The following HDC variants were observed in gnomAD, a reference collection of about 807,000 sequenced individuals.
HDC encodes histidine decarboxylase.
A neutral mutation model predicts 64.4 loss-of-function variants in HDC; 27 were observed. The observed-to-expected ratio is 0.42, with a 90% CI of 0.31 to 0.58. The LOEUF is 0.58. Ranked by LOEUF, HDC falls within the 20% of genes least tolerant of loss-of-function variation. The pLI is 0.16. For missense variants in HDC, 711 were observed against 833.9 expected (o/e 0.85, Z 1.81); for synonymous variants, 305 against 314.2 (o/e 0.97, Z 0.31).
At chr15:50,261,066 C>T (rs2045697053) in intron 2 of HDC, among the ~76,000 whole-genome samples, 1 of 152,118 alleles carries the variant, frequency 6.6e-6, no homozygotes, top group Non-Finnish European at 1.5e-5. Context: ...ATTTGACCAT[C>T]ATTATCACTG....
chr15:50,257,449 G>T lies in HDC; in HGVS notation c.417C>A (p.Ser139Arg), dbSNP rs149875043. The change falls in exon 4 of 12, where the codon AGC (serine) becomes AGA (arginine). Residue 139 changes from serine (S) to arginine (R), a missense_variant. Physicochemically the swap from Ser to Arg is moderately radical, Grantham distance 110. Around this residue, in one of 3 missense-constraint regions of HDC, gnomAD observed 225 missense variants for 276.2 expected, o/e 0.81. Coordinates refer to ENST00000267845, the MANE Select transcript of HDC (RefSeq NM_002112.4). ...LPEHFLHHHP[S>R]SQGGGVLQST... ...CCTGCAGGACGCCTCCGCCCTGGCTGCTGGGGTGGTGGTGCAAGAAGTGCT... is the reference window on the plus strand; with the variant it reads ...CCTGCAGGACGCCTCCGCCCTGGCTTCTGGGGTGGTGGTGCAAGAAGTGCT... The T allele has an allele frequency of 1.2e-6, 2 of 1,614,248 alleles. No individual in the cohort carries two copies. The highest frequency in any genetic ancestry group is 1.7e-6 in the Non-Finnish European group (2 of 1,180,042).
Position 50,242,060 on chromosome 15 carries a change from C to T in HDC, c.*200G>A. On this transcript the variant is annotated 3_prime_UTR_variant, in exon 12 of 12. Transcript: ENST00000267845. ...CTTTCTCACTGACCAGACTGCTGAA[C>T]CCATCTGGATCATGCTGGCTTAAAC... The T allele has an allele frequency of 1.6e-6, 1 of 613,650 alleles. No homozygotes were observed. The highest frequency in any genetic ancestry group is 2.9e-6 in the Non-Finnish European group (1 of 346,654). The allele number at this position is 613,650 out of a possible 1,614,324, so 38.0% of individuals were successfully genotyped here.
At chr15:50,259,562 T>C (rs2045676050) in intron 2 of HDC, among the ~76,000 whole-genome samples, 1 of 152,202 alleles carries the variant, frequency 6.6e-6, no homozygotes, top group Non-Finnish European at 1.5e-5. Flanking sequence ...GCATGCCCTG[T>C]TCCTTTCTGC....
intron 3 of HDC, 26 bp from the exon 4 acceptor site, chr15:50,257,573 C>A (rs1447368851): frequency 1.9e-6 from 3 of 1,613,418 alleles, no homozygotes; most frequent in Non-Finnish European, 2.5e-6. Context: ...GAACTTCAAA[C>A]TGCACAGCCC....
chr15:50,248,066 G>C lies in HDC; in HGVS notation c.1140+179C>G, dbSNP rs1300639733. Among the ~76,000 whole-genome samples the C allele has an allele frequency of 6.6e-6, 1 of 152,222 alleles. No homozygotes were observed. Among genetic ancestry groups the C allele is most frequent in the Non-Finnish European group, 1.5e-5 (1 of 68,042 alleles). ...TCAGGCAGCCCTCAGGGCATGTTGT[G>C]CTCAGCGCTCCTCTGGTTAACAAAG... On this transcript the variant is annotated intron_variant, in intron 10 of 11. Transcript: ENST00000267845. This position sits in a 1 kb window ranked among gnomAD's most constrained non-coding sequence, Gnocchi z 4.3.
intron 4 of HDC, among the ~76,000 whole-genome samples, chr15:50,256,391 A>C (rs557619708): frequency 1.3e-4 from 20 of 152,236 alleles, no homozygotes; most frequent in African/African-American, 4.8e-4. Flanking sequence ...GCAACATGGC[A>C]ATTTTTTTAT....
Position 50,248,428 on chromosome 15 carries a change from G to A in HDC, c.1042-85C>T, listed in dbSNP as rs2045512722. The A allele has an allele frequency of 4.4e-6, 4 of 903,756 alleles. No homozygotes were observed. In the Admixed American group the frequency reaches 5.7e-5, roughly 13 times the overall value. 56.0% of individuals were successfully genotyped at this position (903,756 alleles called of 1,614,324 possible). A position where few individuals can be genotyped will look rare whatever the true frequency, so the allele number is the denominator to read the frequency against. On this transcript the variant is annotated intron_variant, in intron 9 of 11. Transcript: ENST00000267845. This position sits in a 1 kb window ranked among gnomAD's most constrained non-coding sequence, Gnocchi z 4.3. ...CATTTCTGGGCATTATCTGTTGCCTGCCCAGCCCTCCAGGGATGGACGATG... is the reference window on the plus strand; with the variant it reads ...CATTTCTGGGCATTATCTGTTGCCTACCCAGCCCTCCAGGGATGGACGATG...
intron 10 of HDC, among the ~76,000 whole-genome samples, chr15:50,245,826 G>A (rs1317684053): frequency 6.6e-6 from 1 of 152,124 alleles, no homozygotes; most frequent in East Asian, 1.9e-4. Flanking sequence ...GCCTGGGGAG[G>A]TCAAGGCTGC....
chr15:50,256,664 G>A (rs760131601), intron 4 of HDC, among the ~76,000 whole-genome samples: 16 of 152,186 alleles, frequency 1.1e-4, no homozygotes, highest in Non-Finnish European at 1.6e-4. Flanking sequence ...GAGATTACAG[G>A]GGTGAGTCAC....
intron 2 of HDC, 131 bp downstream of exon 2, chr15:50,263,104 G>T (rs1401147483): frequency 3.1e-5 from 27 of 881,252 alleles, no homozygotes; most frequent in Non-Finnish European, 4.4e-5. Flanking sequence ...ATGGGCTGGG[G>T]TGTTGGTGGC....
Position 50,248,393 on chromosome 15 carries a change from C to T in HDC, c.1042-50G>A, listed in dbSNP as rs2140928468. 1 of 1,294,642 alleles carries T rather than the reference C, an allele frequency of 7.7e-7. No homozygotes were observed. The highest frequency in any genetic ancestry group is 1.1e-6 in the Non-Finnish European group (1 of 893,182). The allele number at this position is 1,294,642 out of a possible 1,614,324, so 80.2% of individuals were successfully genotyped here. On this transcript the variant is annotated intron_variant, in intron 9 of 11. Transcript: ENST00000267845. This position sits in a 1 kb window ranked among gnomAD's most constrained non-coding sequence, Gnocchi z 4.3. ...CAAGGTTAGAGACAAGGGTGCCCCACTCCCTCGGGCATTTCTGGGCATTAT... is the reference window on the plus strand; with the variant it reads ...CAAGGTTAGAGACAAGGGTGCCCCATTCCCTCGGGCATTTCTGGGCATTAT...
intron 2 of HDC, among the ~76,000 whole-genome samples, chr15:50,259,335 T>A (rs1955263453): frequency 6.6e-6 from 1 of 152,024 alleles, no homozygotes; most frequent in South Asian, 2.1e-4. Flanking sequence ...AGCATCACAT[T>A]GGGAATGTAG....
intron 6 of HDC, 56 bp from the exon 7 acceptor site, chr15:50,253,722 G>A (rs2045588903): frequency 7.0e-7 from 1 of 1,424,534 alleles, no homozygotes; most frequent in Admixed American, 1.7e-5. Context: ...TGACACATTT[G>A]GCCTGAGAAA....
chr15:50,263,490 A>G, intron 1 of HDC, 83 bp from the exon 2 acceptor site: 2 of 1,340,466 alleles, frequency 1.5e-6, no homozygotes, highest in African/African-American at 1.4e-5. Flanking sequence ...GGTCCGGGCC[A>G]AGAGACTTGG....
intron 4 of HDC, among the ~76,000 whole-genome samples, chr15:50,255,677 G>A (rs1160823024): frequency 6.6e-6 from 1 of 152,150 alleles, no homozygotes; most frequent in African/African-American, 2.4e-5. Context: ...GTGCACACCT[G>A]TAGTCCCAGC....
rs1218902993 is a variant in HDC, at chr15:50,263,385, G to A, written c.54C>T (p.Ile18=). ...RERGREMVDY[I]CQYLSTVRER... is the part of the protein sequence containing the mutation. ...CCCGCACAGTGCTCAGGTACTGGCA[G>A]ATGTAATCCACCATCTCTCTCCCTA... The change falls in exon 2 of 12, where the codon ATC becomes ATT. Residue 18 remains isoleucine, a synonymous_variant. Transcript: ENST00000267845. 17 of 1,614,060 alleles carry A rather than the reference G, an allele frequency of 1.1e-5. No individual in the cohort carries two copies. The highest frequency in any genetic ancestry group is 1.4e-5 in the Non-Finnish European group (17 of 1,180,016).
At chr15:50,245,949 G>A (rs2140925875) in intron 10 of HDC, among the ~76,000 whole-genome samples, 1 of 152,286 alleles carries the variant, frequency 6.6e-6, no homozygotes, top group South Asian at 2.1e-4. Context: ...TAAGTAATTT[G>A]TCTAAGGTCA....
chr15:50,260,929 G>A (rs1204886719), intron 2 of HDC, among the ~76,000 whole-genome samples: 1 of 152,140 alleles, frequency 6.6e-6, no homozygotes, highest in Non-Finnish European at 1.5e-5. Flanking sequence ...TATTTTCTAG[G>A]TGGTGGCAGG....
intron 4 of HDC, among the ~76,000 whole-genome samples, chr15:50,257,091 C>A (rs1190477060): frequency 6.6e-6 from 1 of 152,250 alleles, no homozygotes; most frequent in African/African-American, 2.4e-5. Context: ...CCTCTCCTTG[C>A]CTTCTCCTTT....
Sources: allele counts gnomAD v4.1 joint callset (sites outside exome capture counted in the v4.1 genomes callset), GRCh38; gene constraint gnomAD v4.1.1; regional missense constraint gnomAD v4.1.1; non-coding constraint Gnocchi (gnomAD v3.1); transcripts MANE v1.5; gene names NCBI Gene and HGNC (gene_info 2026-07-23, HGNC 2026-07-21).